The following ARHGAP33 variants were observed in gnomAD, a reference collection of about 807,000 sequenced individuals.
The protein encoded by ARHGAP33 is Rho GTPase activating protein 33.
ARHGAP33 carries 57 observed loss-of-function variants against 126.2 expected under a neutral mutation model. The observed-to-expected ratio is 0.45, with a 90% CI of 0.36 to 0.56. The LOEUF (loss-of-function observed/expected upper bound fraction) is 0.56, where lower values mean the gene tolerates loss of function less well. Ranked by LOEUF, ARHGAP33 falls within the 20% of genes least tolerant of loss-of-function variation. ARHGAP33 has a pLI of 0.00. For missense variants in ARHGAP33, 1,500 were observed against 1,748.3 expected (o/e 0.86, Z 2.53); for synonymous variants, 711 against 755.0 (o/e 0.94, Z 0.95).
rs1161176439 is a variant in ARHGAP33, at chr19:35,785,094, C to T, written c.1709C>T (p.Ser570Leu). Reference protein sequence around the residue: ...TEPTTPKAPASPAERRKGERG... With the variant: ...TEPTTPKAPALPAERRKGERG... ...CCCACAACTCCCAAGGCCCCGGCCT[C>T]ACCTGCGGAAAGGTGAGTGGGATGC... The change falls in exon 17 of 21, where the codon TCA becomes TTA. Residue 570 changes from serine (S) to leucine (L), a missense_variant. By Grantham distance (145) the Ser-to-Leu change is moderately radical (BLOSUM62 -2). Transcript: ENST00000007510. 1 of 1,586,188 alleles carries T rather than the reference C, an allele frequency of 6.3e-7. No homozygotes were observed. The highest frequency in any genetic ancestry group is 8.6e-7 in the Non-Finnish European group (1 of 1,165,634).
chr19:35,781,862 G>A (rs1012292946), intron 12 of ARHGAP33, among the ~76,000 whole-genome samples: 13 of 152,086 alleles, frequency 8.5e-5, no homozygotes, highest in African/African-American at 3.1e-4. Flanking sequence ...GCGGGGTCTA[G>A]AGGCGGGGAG....
chr19:35,787,692 C>G lies in ARHGAP33; in HGVS notation c.3127C>G (p.Pro1043Ala), dbSNP rs758054979. The change falls in exon 21 of 21, where the codon CCC (proline) becomes GCC (alanine). Residue 1043 changes from proline to alanine, a missense_variant. Transcript: ENST00000007510. ...FSPAPRECLP[P>A]FLGVPKPGLY... ...CCCAGCCCCCAGGGAGTGCCTGCCACCCTTCCTCGGGGTCCCCAAGCCAGG... is the reference window on the plus strand; with the variant it reads ...CCCAGCCCCCAGGGAGTGCCTGCCAGCCTTCCTCGGGGTCCCCAAGCCAGG... The G allele has an allele frequency of 1.3e-6, 2 of 1,594,398 alleles. No homozygotes were observed. Among genetic ancestry groups the G allele is most frequent in the Non-Finnish European group, 1.7e-6 (2 of 1,174,614 alleles).
intron 1 of ARHGAP33, among the ~76,000 whole-genome samples, chr19:35,776,616 G>C (rs231225): frequency 0.16 from 24,219 of 152,240 alleles, 2,449 homozygotes; most frequent in African/African-American, 0.29. Context: ...CGCGCGACTG[G>C]GCTGGCACTG....
intron 16 of ARHGAP33, 73 bp from the exon 17 acceptor site, chr19:35,784,880 T>C (rs370744824): frequency 6.9e-7 from 1 of 1,448,670 alleles, no homozygotes; most frequent in Non-Finnish European, 9.0e-7. Flanking sequence ...GGGCTTGGGC[T>C]GTGGCGCTTG....
intron 3 of ARHGAP33, 99 bp downstream of exon 3, chr19:35,778,007 C>T: frequency 7.1e-7 from 1 of 1,413,602 alleles, no homozygotes; most frequent in Non-Finnish European, 9.9e-7. Context: ...ATCCCTGTGA[C>T]TGGCTGCTGC....
rs1972118561 is a variant in ARHGAP33 at position 35,786,534 on chromosome 19, C to T, written c.2064C>T (p.Ser688=). 1.3e-6 allele frequency: 2 copies of T among 1,536,008 alleles called. No homozygotes were observed. Among genetic ancestry groups the T allele is most frequent in the Middle Eastern group, 1.7e-4 (1 of 5,986 alleles). The part of the protein sequence containing the change: ...LSSSSSSESS[S]SESSSSSSES... ...CGTCCTCCTCCTCCGAGTCCTCCTC[C>T]TCTGAGTCCTCCTCTTCCTCCTCTG... Residue 688 remains serine, a synonymous_variant, in exon 20 of 21, where the codon TCC becomes TCT. Coordinates refer to ENST00000007510, the MANE Select transcript of ARHGAP33 (RefSeq NM_001366178.1). The surrounding 1 kb of genome is among the most constrained non-coding windows in gnomAD (Gnocchi z 7.0).
intron 12 of ARHGAP33, 147 bp downstream of exon 12, chr19:35,781,399 AGAGTT>A: frequency 1.3e-6 from 1 of 774,458 alleles, no homozygotes; most frequent in Admixed American, 2.3e-5. Context: ...TCTTGAGAGT[AGAGTT>A]AGCAGTCTAA....
rs772588604 is a variant in ARHGAP33, at chr19:35,786,972, C to A, written c.2502C>A (p.Pro834=). 6.2e-7 allele frequency: 1 copy of A among 1,610,848 alleles called. No homozygotes were observed. Among genetic ancestry groups the A allele is most frequent in the East Asian group, 2.2e-5 (1 of 44,826 alleles). ...TCAGCCCCGGCCGGAGCCTGCGCCC[C>A]CATCTCATACCCCTGCTGCTGCGAG... ...PALSPGRSLR[P]HLIPLLLRGA... is the part of the protein sequence containing the mutation. Residue 834 remains proline, a synonymous_variant, in exon 20 of 21, where the codon CCC becomes CCA. Coordinates refer to ENST00000007510, the MANE Select transcript of ARHGAP33 (RefSeq NM_001366178.1). The surrounding 1 kb of genome is among the most constrained non-coding windows in gnomAD (Gnocchi z 7.0).
In ARHGAP33 at chr19:35,785,455, GTC is replaced by G. The variant is rs1568430973; in HGVS notation, c.1918_1919del (p.Leu640ValfsTer50). 3 of 1,614,104 alleles carry G rather than the reference GTC, an allele frequency of 1.9e-6. No homozygotes were observed. Among genetic ancestry groups the G allele is most frequent in the African/African-American group, 1.3e-5 (1 of 74,946 alleles). Reference sequence around the variant, plus strand: ...CACTGAGATCTGCCAAGAGCGAGGAGTCTCTGTCATCGCAGGCCAGCGGGGCT... The same window carrying G: ...CACTGAGATCTGCCAAGAGCGAGGAGTCTGTCATCGCAGGCCAGCGGGGCT... ...VTLRSAKSEESLSSQASGAGL... is the reference protein window; with the variant it reads ...VTLRSAKSEEXLSSQASGAGL... On this transcript the variant is annotated frameshift_variant, in exon 19 of 21. Coordinates refer to ENST00000007510, the MANE Select transcript of ARHGAP33 (RefSeq NM_001366178.1). LOFTEE classifies it high-confidence loss of function.
chr19:35,784,451 G>T (rs1364214503), intron 16 of ARHGAP33, 134 bp downstream of exon 16: 3 of 1,286,264 alleles, frequency 2.3e-6, no homozygotes, highest in Non-Finnish European at 3.0e-6. Context: ...TGAGGATCCC[G>T]CCCCGGCCTC....
chr19:35,777,810 C>T lies in ARHGAP33; in HGVS notation c.105-14C>T. 6.2e-7 allele frequency: 1 copy of T among 1,614,128 alleles called. No homozygotes were observed. Among genetic ancestry groups the T allele is most frequent in the Non-Finnish European group, 8.5e-7 (1 of 1,179,968 alleles). On this transcript the variant is annotated splice_polypyrimidine_tract_variant and intron_variant, in intron 2 of 20. Transcript: ENST00000007510. The stretch of plus-strand genomic sequence containing the variant: ...ACTCAAGGAGCTGCTGGTGACGCAT[C>T]CCCTGTCTCCCAGGCTCTCAGCTCC...
chr19:35,779,114 C>T lies in ARHGAP33; in HGVS notation c.491C>T (p.Thr164Ile). ...DSNLNCGPVL[T>I]WMELDNHGRR... ...AACCTCAACTGCGGGCCTGTGCTCA[C>T]CTGGATGGAGGTGGGCCTGGGCAGG... The change falls in exon 6 of 21, where the codon ACC becomes ATC. Residue 164 changes from threonine to isoleucine, a missense_variant. By Grantham distance (89) the Thr-to-Ile change is moderately conservative. Around this residue, in one of 6 missense-constraint regions of ARHGAP33, gnomAD observed 75 missense variants for 152.7 expected, o/e 0.49. Transcript: ENST00000007510. The T allele has an allele frequency of 1.3e-6, 2 of 1,551,410 alleles. No individual in the cohort carries two copies. Among genetic ancestry groups the T allele is most frequent in the Non-Finnish European group, 1.7e-6 (2 of 1,146,894 alleles).
At position 35,785,450 on chromosome 19, in the gene ARHGAP33, G is replaced by A. The variant is rs1199790388; in HGVS notation, c.1909G>A (p.Glu637Lys). The change falls in exon 19 of 21, where the codon GAG becomes AAG. Residue 637 changes from glutamate to lysine, a missense_variant. By Grantham distance (56) the Glu-to-Lys change is moderately conservative. This residue lies in a region of ARHGAP33 where 300 missense variants were observed against 291.1 expected (regional missense o/e 1.03). Coordinates refer to ENST00000007510, the MANE Select transcript of ARHGAP33 (RefSeq NM_001366178.1). Reference sequence around the variant, plus strand: ...CGTCACACTGAGATCTGCCAAGAGCGAGGAGTCTCTGTCATCGCAGGCCAG... The same window carrying A: ...CGTCACACTGAGATCTGCCAAGAGCAAGGAGTCTCTGTCATCGCAGGCCAG... ...DTVTLRSAKS[E>K]ESLSSQASGA... 2.5e-6 allele frequency: 4 copies of A among 1,614,098 alleles called. No homozygotes were observed. Among genetic ancestry groups the A allele is most frequent in the African/African-American group, 1.3e-5 (1 of 74,950 alleles).
In ARHGAP33 at chr19:35,787,940, AC is replaced by A; in HGVS notation, c.3380del (p.Pro1127HisfsTer46). ...NASYGMLGQS[P>X]PLHRSPDFLL... ...CCTCCTACGGCATGCTTGGCCAATCACCCCCACTCCACAGGTCCCCCGACTT... is the reference window on the plus strand; with the variant it reads ...CCTCCTACGGCATGCTTGGCCAATCACCCCACTCCACAGGTCCCCCGACTT... On this transcript the variant is annotated frameshift_variant, in exon 21 of 21. Transcript: ENST00000007510. LOFTEE classifies it high-confidence loss of function. 2.9e-6 allele frequency: 3 copies of A among 1,040,606 alleles called. No individual in the cohort carries two copies. The highest frequency in any genetic ancestry group is 3.7e-6 in the Non-Finnish European group (3 of 805,500). 64.5% of individuals were successfully genotyped at this position (1,040,606 alleles called of 1,614,324 possible).
Position 35,781,226 on chromosome 19 carries a change from C to T in ARHGAP33, c.1059C>T (p.Gly353=). The change falls in exon 12 of 21, where the codon GGC becomes GGT. Residue 353 remains glycine, a synonymous_variant. Transcript: ENST00000007510. ...GVVDGIYRLS[G]VSSNIQRLRH... is the part of the protein sequence containing the mutation. ...TGGATGGGATCTACCGGCTCTCAGG[C>T]GTGTCTTCCAACATCCAGAGGCTTC... The T allele has an allele frequency of 1.9e-6, 3 of 1,614,142 alleles. No individual in the cohort carries two copies. The highest frequency in any genetic ancestry group is 1.1e-5 in the South Asian group (1 of 91,078).
chr19:35,786,381 C>G lies in ARHGAP33; in HGVS notation c.1943-32C>G. The G allele has an allele frequency of 6.6e-7, 1 of 1,507,682 alleles. No homozygotes were observed. Among genetic ancestry groups the G allele is most frequent in the Non-Finnish European group, 8.8e-7 (1 of 1,131,526 alleles). 93.4% of individuals were successfully genotyped at this position (1,507,682 alleles called of 1,614,324 possible). ...TCTGTGGGGCTGTGCGCCCTGTTCT[C>G]AGGGATGGTCTCACTGACCCCACCC... On this transcript the variant is annotated intron_variant, in intron 19 of 20. Transcript: ENST00000007510. This position sits in a 1 kb window ranked among gnomAD's most constrained non-coding sequence, Gnocchi z 7.0.
Position 35,780,968 on chromosome 19 carries a change from T to C in ARHGAP33, c.878T>C (p.Met293Thr). ...GKLAGLLRTF[M>T]RSRPSRQRLR... ...CTGGCCGGCCTGCTCCGCACCTTCA[T>C]GCGCTCCCGCCCTTCTCGGCAGCGG... Residue 293 changes from methionine to threonine, a missense_variant, in exon 11 of 21, where the codon ATG becomes ACG. Met to Thr is a moderately conservative substitution (Grantham distance 81). This residue lies in a region of ARHGAP33 where 281 missense variants were observed against 413.7 expected (regional missense o/e 0.68). Coordinates refer to ENST00000007510, the MANE Select transcript of ARHGAP33 (RefSeq NM_001366178.1). 9.3e-6 allele frequency: 15 copies of C among 1,610,310 alleles called. No homozygotes were observed. Among genetic ancestry groups the C allele is most frequent in the Non-Finnish European group, 1.3e-5 (15 of 1,179,896 alleles).
rs778158223 is a variant in ARHGAP33, at chr19:35,787,150, C to G, written c.2603-18C>G. Reference sequence around the variant, plus strand: ...AGGGCCTGGCCCCAGCTGAACCCCTCTCCATTCATTTATATAGGTCCTGAT... The same window carrying G: ...AGGGCCTGGCCCCAGCTGAACCCCTGTCCATTCATTTATATAGGTCCTGAT... On this transcript the variant is annotated intron_variant, in intron 20 of 20. Transcript: ENST00000007510. 6.2e-7 allele frequency: 1 copy of G among 1,608,122 alleles called. No individual in the cohort carries two copies. Among genetic ancestry groups the G allele is most frequent in the Admixed American group, 1.7e-5 (1 of 58,222 alleles).
chr19:35,786,822 C>CA lies in ARHGAP33; in HGVS notation c.2353dup (p.Thr785AsnfsTer66). On this transcript the variant is annotated frameshift_variant, in exon 20 of 21. Transcript: ENST00000007510. LOFTEE classifies it high-confidence loss of function. The surrounding 1 kb of genome is among the most constrained non-coding windows in gnomAD (Gnocchi z 7.0). ...CCCAGGCCATCTCGCCCCGGGGGCC[C>CA]ACCAGCCCCGCCTCGCCTGCTGCCC... 1.3e-6 allele frequency: 2 copies of CA among 1,546,334 alleles called. No homozygotes were observed. The highest frequency in any genetic ancestry group is 1.7e-6 in the Non-Finnish European group (2 of 1,149,414).
Sources: allele counts gnomAD v4.1 joint callset (sites outside exome capture counted in the v4.1 genomes callset), GRCh38; gene constraint gnomAD v4.1.1; regional missense constraint gnomAD v4.1.1; non-coding constraint Gnocchi (gnomAD v3.1); transcripts MANE v1.5; gene names NCBI Gene and HGNC (gene_info 2026-07-23, HGNC 2026-07-21).